PDE4D: variants seen among roughly 807,000 people sequenced by gnomAD.
The protein encoded by PDE4D is phosphodiesterase 4D, also known as 3',5'-cyclic-AMP phosphodiesterase 4D.
Under a neutral mutation model 87.4 loss-of-function variants are expected in PDE4D, and 24 were observed. The ratio of observed to expected loss-of-function variants is 0.27; its 90% CI spans 0.20 to 0.39. The LOEUF (loss-of-function observed/expected upper bound fraction) is 0.39. Ranked by LOEUF, PDE4D falls within the 10% of genes least tolerant of loss-of-function variation. The pLI, the probability that PDE4D is intolerant of heterozygous loss-of-function variation, is 1.00. For missense variants in PDE4D, 714 were observed against 1,041.0 expected (o/e 0.69, Z 4.32); for synonymous variants, 384 against 383.2 (o/e 1.00, Z -0.02).
chr5:60,220,659 T>C (rs1158575814), intron 1 of PDE4D, among the ~76,000 whole-genome samples: 2 of 152,138 alleles, frequency 1.3e-5, no homozygotes, highest in African/African-American at 4.8e-5. Context: ...TGCCATGCCA[T>C]GAACATTGCA....
intron 1 of PDE4D, among the ~76,000 whole-genome samples, chr5:59,577,571 T>C (rs1232682680): frequency 1.3e-5 from 2 of 152,008 alleles, no homozygotes; most frequent in East Asian, 1.9e-4. Context: ...AAAAGAAAAA[T>C]ATGGAGACTC....
At chr5:59,654,346 G>T (rs766016800) in intron 1 of PDE4D, among the ~76,000 whole-genome samples, 4 of 152,180 alleles carry the variant, frequency 2.6e-5, no homozygotes, top group Non-Finnish European at 4.4e-5. Context: ...ATATACAAAA[G>T]AGTTGAGAGT....
chr5:59,393,520 A>G (rs1002321135), intron 1 of PDE4D, among the ~76,000 whole-genome samples: 1 of 152,180 alleles, frequency 6.6e-6, no homozygotes, highest in Non-Finnish European at 1.5e-5. Context: ...CTGCTTCCAC[A>G]CTGCATGCAT....
chr5:59,955,288 T>C (rs763184233), intron 3 of PDE4D, among the ~76,000 whole-genome samples: 2 of 152,212 alleles, frequency 1.3e-5, no homozygotes, highest in Non-Finnish European at 2.9e-5. Flanking sequence ...TTGATACTGG[T>C]AAATGTTTAA....
intron 1 of PDE4D, among the ~76,000 whole-genome samples, chr5:59,642,352 G>C (rs2150198506): frequency 6.6e-6 from 1 of 151,974 alleles, no homozygotes; most frequent in East Asian, 1.9e-4. Context: ...AACTTATATA[G>C]TTTTCTATGT....
chr5:60,387,531 A>G (rs1171293185), intron 1 of PDE4D, among the ~76,000 whole-genome samples: 1 of 152,258 alleles, frequency 6.6e-6, no homozygotes, highest in African/African-American at 2.4e-5. Flanking sequence ...AAAATGTAAC[A>G]TGGGTGACAG....
chr5:59,751,881 T>C (rs939293021), intron 1 of PDE4D, among the ~76,000 whole-genome samples: 2 of 152,100 alleles, frequency 1.3e-5, no homozygotes, highest in East Asian at 1.9e-4. Context: ...TCTCTCTTTG[T>C]GAAATGTGAT....
intron 1 of PDE4D, among the ~76,000 whole-genome samples, chr5:59,663,028 A>C (rs953984958): frequency 3.3e-5 from 5 of 152,216 alleles, no homozygotes; most frequent in Non-Finnish European, 4.4e-5. Flanking sequence ...ATTTATTGTG[A>C]GCCAAGGCTT....
intron 1 of PDE4D, among the ~76,000 whole-genome samples, chr5:60,322,423 T>C (rs974666776): frequency 1.5e-5 from 2 of 133,562 alleles, no homozygotes; most frequent in Admixed American, 7.7e-5. Flanking sequence ...CACAAAACCC[T>C]AACATATTTC....
chr5:59,542,860 C>A (rs1816608802), intron 1 of PDE4D, among the ~76,000 whole-genome samples: 1 of 152,106 alleles, frequency 6.6e-6, no homozygotes, highest in Non-Finnish European at 1.5e-5. Context: ...GGACATCATT[C>A]AGGCCTCAGA....
chr5:59,083,559 G>A (rs1767147054), intron 5 of PDE4D, among the ~76,000 whole-genome samples: 1 of 151,672 alleles, frequency 6.6e-6, no homozygotes, highest in Non-Finnish European at 1.5e-5. Context: ...AATATTACTT[G>A]AATTGCATTT....
intron 5 of PDE4D, among the ~76,000 whole-genome samples, chr5:59,061,751 T>C (rs969236429): frequency 1.3e-5 from 2 of 152,084 alleles, no homozygotes; most frequent in African/African-American, 4.8e-5. Flanking sequence ...TCAAACTCGT[T>C]TTGGGAAAAA....
chr5:60,063,557 T>C (rs1023967369), intron 2 of PDE4D, among the ~76,000 whole-genome samples: 3 of 152,098 alleles, frequency 2.0e-5, no homozygotes, highest in Non-Finnish European at 2.9e-5. Context: ...AAATTTAGTT[T>C]ATAGTTTGAA....
At chr5:59,948,286 A>G (rs955784950) in intron 3 of PDE4D, among the ~76,000 whole-genome samples, 4 of 152,204 alleles carry the variant, frequency 2.6e-5, no homozygotes, top group Non-Finnish European at 5.9e-5. Context: ...CTGAATTTAC[A>G]TAACAATAAG....
chr5:59,522,899 C>T (rs1209110396), intron 1 of PDE4D, among the ~76,000 whole-genome samples: 1 of 152,092 alleles, frequency 6.6e-6, no homozygotes, highest in Admixed American at 6.5e-5. Context: ...TTGTATACAC[C>T]ATTTAGAAAA....
chr5:59,924,146 A>G (rs1258942495), intron 3 of PDE4D, among the ~76,000 whole-genome samples: 1 of 152,198 alleles, frequency 6.6e-6, no homozygotes, highest in Non-Finnish European at 1.5e-5. Context: ...AGTGAGCTTA[A>G]AGACAGGTTA....
chr5:59,214,319 A>T (rs1198821047), intron 2 of PDE4D, among the ~76,000 whole-genome samples: 1 of 152,080 alleles, frequency 6.6e-6, no homozygotes, highest in Non-Finnish European at 1.5e-5. Flanking sequence ...GGTCCCATAG[A>T]CTGTATTTGA....
At chr5:59,591,669 A>C (rs1825938917) in intron 1 of PDE4D, among the ~76,000 whole-genome samples, 1 of 152,190 alleles carries the variant, frequency 6.6e-6, no homozygotes, top group African/African-American at 2.4e-5. Flanking sequence ...ATTTTTGGAA[A>C]GTCTCCATTC....
chr5:60,221,110 TA>T (rs1744446301), intron 1 of PDE4D, among the ~76,000 whole-genome samples: 1 of 152,062 alleles, frequency 6.6e-6, no homozygotes, highest in African/African-American at 2.4e-5. Context: ...AAGTGATGCT[TA>T]AAAATAGTCT....
Sources: allele counts gnomAD v4.1 joint callset (sites outside exome capture counted in the v4.1 genomes callset), GRCh38; gene constraint gnomAD v4.1.1; transcripts MANE v1.5; gene names NCBI Gene and HGNC (gene_info 2026-07-23, HGNC 2026-07-21).